Variants in RFX2 observed in about 807,000 individuals in gnomAD.
The protein encoded by RFX2 is regulatory factor X2, also known as DNA-binding protein RFX2.
RFX2 carries 20 observed loss-of-function variants against 87.8 expected under a neutral mutation model. The ratio of observed to expected loss-of-function variants is 0.23; its 90% CI spans 0.16 to 0.33. The LOEUF is 0.33. RFX2 is among the 10% of genes least tolerant of loss of function. RFX2 has a pLI of 1.00. For missense variants in RFX2, 767 were observed against 1,012.3 expected (o/e 0.76, Z 3.29); for synonymous variants, 397 against 431.3 (o/e 0.92, Z 0.98).
At chr19:6,055,897 G>C (rs2144796050) in intron 1 of RFX2, among the ~76,000 whole-genome samples, 1 of 152,302 alleles carries the variant, frequency 6.6e-6, no homozygotes, top group Non-Finnish European at 1.5e-5. Flanking sequence ...ATTAATTACT[G>C]AAATTCACAA....
intron 15 of RFX2, among the ~76,000 whole-genome samples, chr19:6,000,118 G>A (rs1038480559): frequency 3.3e-5 from 5 of 152,014 alleles, no homozygotes; most frequent in Non-Finnish European, 7.4e-5. Context: ...CCAAGTAGCT[G>A]GGATTTCAGG....
chr19:6,014,312 C>CA (rs2144705220), intron 7 of RFX2, among the ~76,000 whole-genome samples: 1 of 152,278 alleles, frequency 6.6e-6, no homozygotes, highest in Admixed American at 6.5e-5. Flanking sequence ...CGGCTCACTG[C>CA]AACCTCCCTC....
rs1351718563 is a variant in RFX2, at chr19:6,002,710, G to A, written c.1650+11C>T. On this transcript the variant is annotated intron_variant, in intron 14 of 17. Transcript: ENST00000303657. The surrounding 1 kb of genome is among the most constrained non-coding windows in gnomAD (Gnocchi z 6.7). ...AAGCCCGGGCCCTGGGGACGGTGTG[G>A]AGGAAGTCACCTGCACGTTGGCAAA... 2.5e-6 allele frequency: 4 copies of A among 1,612,850 alleles called. No individual in the cohort carries two copies. The highest frequency in any genetic ancestry group is 3.4e-6 in the Non-Finnish European group (4 of 1,179,756).
rs375765912 is a variant in RFX2, at chr19:6,007,020, G to A, written c.1394C>T (p.Pro465Leu). 32 of 1,613,924 alleles carry A rather than the reference G, an allele frequency of 2.0e-5. No individual in the cohort carries two copies. Among genetic ancestry groups the A allele is most frequent in the East Asian group, 2.2e-5 (1 of 44,892 alleles). The change falls in exon 12 of 18, where the codon CCG becomes CTG. Residue 465 changes from proline (P) to leucine (L), a missense_variant. By Grantham distance (98) the Pro-to-Leu change is moderately conservative. Around this residue, in one of 2 missense-constraint regions of RFX2, gnomAD observed 621 missense variants for 873.0 expected, o/e 0.71. Coordinates refer to ENST00000303657, the MANE Select transcript of RFX2 (RefSeq NM_000635.4). The surrounding 1 kb of genome is among the most constrained non-coding windows in gnomAD (Gnocchi z 8.2). ...VEILIPDVLRPVPSTLTQAIR... is the reference protein window; with the variant it reads ...VEILIPDVLRLVPSTLTQAIR... ...GGCCGTGGGTCACTTACTGGGGACC[G>A]GCCTCAGCACGTCGGGGATGAGAAT... is the stretch of plus-strand genomic sequence containing the variant.
intron 3 of RFX2, among the ~76,000 whole-genome samples, chr19:6,042,324 G>C (rs2087122295): frequency 6.6e-6 from 1 of 152,240 alleles, no homozygotes; most frequent in Non-Finnish European, 1.5e-5. Context: ...GGCCCACACA[G>C]TTCAGGGAGC....
Position 6,063,285 on chromosome 19 carries a change from C to T in RFX2, c.-8-15781G>A, listed in dbSNP as rs1382130336. The stretch of plus-strand genomic sequence containing the variant: ...CCTGCCAGACCCCCAGGCCTGAGCG[C>T]CAGCCCTTCACTGATCAGCTAGCCT... On this transcript the variant is annotated intron_variant, in intron 1 of 17. Coordinates refer to ENST00000303657, the MANE Select transcript of RFX2 (RefSeq NM_000635.4). The surrounding 1 kb of genome is among the most constrained non-coding windows in gnomAD (Gnocchi z 4.0). Among the ~76,000 whole-genome samples, 1 of 152,224 alleles carries T rather than the reference C, an allele frequency of 6.6e-6. No individual in the cohort carries two copies. The highest frequency in any genetic ancestry group is 6.5e-5 in the Admixed American group (1 of 15,282).
At chr19:6,108,900 A>G (rs1358041937) in intron 1 of RFX2, among the ~76,000 whole-genome samples, 1 of 152,058 alleles carries the variant, frequency 6.6e-6, no homozygotes, top group African/African-American at 2.4e-5. Context: ...CAACTTTCCC[A>G]GCGGTGCAGC....
chr19:6,088,055 G>T (rs1201597356), intron 1 of RFX2, among the ~76,000 whole-genome samples: 1 of 152,126 alleles, frequency 6.6e-6, no homozygotes, highest in Admixed American at 6.5e-5. Context: ...ACCCAGAGCT[G>T]CATGTTGGTG....
chr19:6,108,508 A>G (rs562485480), intron 1 of RFX2, among the ~76,000 whole-genome samples: 1 of 152,312 alleles, frequency 6.6e-6, no homozygotes, highest in East Asian at 1.9e-4. Flanking sequence ...TGTCATTATT[A>G]TTATTACTGT....
intron 1 of RFX2, among the ~76,000 whole-genome samples, chr19:6,067,652 G>A (rs952753084): frequency 1.3e-5 from 2 of 152,234 alleles, no homozygotes; most frequent in Non-Finnish European, 2.9e-5. Flanking sequence ...CTGAGGCTTT[G>A]GGACCAGGAG....
rs140973509 is a variant in RFX2, at chr19:6,064,672, A to G, written c.-8-17168T>C. Among the ~76,000 whole-genome samples the G allele has an allele frequency of 4.6e-3, 693 of 152,268 alleles. 8 individuals are homozygous for G. In the East Asian group the frequency reaches 0.071, roughly 16 times the overall value. On this transcript the variant is annotated intron_variant, in intron 1 of 17. Coordinates refer to ENST00000303657, the MANE Select transcript of RFX2 (RefSeq NM_000635.4). This position sits in a 1 kb window ranked among gnomAD's most constrained non-coding sequence, Gnocchi z 4.8. ...TGTGTGACCCTTCCTCCTGACAGCC[A>G]TCTCTAGAGACAGCCAGTGAGGGCA...
rs558210340 is a variant in RFX2, at chr19:6,014,658, G to T, written c.779+1432C>A. 3.4e-4 allele frequency among the ~76,000 whole-genome samples: 52 copies of T among 152,302 alleles called. 1 individual carries two copies. The Middle Eastern group carries it at 0.034, about 100-fold the overall frequency. On this transcript the variant is annotated intron_variant, in intron 7 of 17. Coordinates refer to ENST00000303657, the MANE Select transcript of RFX2 (RefSeq NM_000635.4). ...ACGGGGGGAAATCAGCCTTAATCCT[G>T]AAGCCAGCAGCTGGGATACTCTGCA...
chr19:6,076,918 T>A (rs925512055), intron 1 of RFX2: 8 of 152,252 alleles, frequency 5.3e-5, no homozygotes, highest in African/African-American at 1.9e-4. Flanking sequence ...TCTCCCAGCA[T>A]CTTGCCAAAT....
Position 6,002,886 on chromosome 19 carries a change from C to G in RFX2, c.1501-16G>C. ...CGACGCCCACCTGTAAGCCAGGGCT[C>G]GTGGTGAGCAGGGGTTCGCAGGGAG... On this transcript the variant is annotated splice_polypyrimidine_tract_variant and intron_variant, in intron 13 of 17. Transcript: ENST00000303657. The surrounding 1 kb of genome is among the most constrained non-coding windows in gnomAD (Gnocchi z 6.7). 1 of 1,596,844 alleles carries G rather than the reference C, an allele frequency of 6.3e-7. No individual in the cohort carries two copies. The highest frequency in any genetic ancestry group is 8.5e-7 in the Non-Finnish European group (1 of 1,174,808).
chr19:6,076,275 C>T (rs1411142546), intron 1 of RFX2, among the ~76,000 whole-genome samples: 8 of 152,154 alleles, frequency 5.3e-5, no homozygotes, highest in Non-Finnish European at 1.5e-5. Flanking sequence ...ACCCGGGAGG[C>T]TGAGGTTGCA....
chr19:6,034,656 C>T (rs188568014), intron 5 of RFX2, among the ~76,000 whole-genome samples: 26 of 152,302 alleles, frequency 1.7e-4, no homozygotes, highest in Admixed American at 1.5e-3. Flanking sequence ...GCCACTGTGC[C>T]CAGGTGACTT....
In RFX2 at chr19:5,999,264, G is replaced by A. The variant is rs1034908757; in HGVS notation, c.1860-2051C>T. Among the ~76,000 whole-genome samples the A allele has an allele frequency of 1.3e-5, 2 of 152,050 alleles. No homozygotes were observed. Among genetic ancestry groups the A allele is most frequent in the African/African-American group, 4.8e-5 (2 of 41,424 alleles). On this transcript the variant is annotated intron_variant, in intron 15 of 17. Coordinates refer to ENST00000303657, the MANE Select transcript of RFX2 (RefSeq NM_000635.4). This position sits in a 1 kb window ranked among gnomAD's most constrained non-coding sequence, Gnocchi z 4.1. ...AGCGAGACTCTGTCTCAAAAAACAA[G>A]CAAACAAGAGAATGAAGTGGAACAG...
rs901130954 is a variant in RFX2 at position 6,061,566 on chromosome 19, G to T, written c.-8-14062C>A. Among the ~76,000 whole-genome samples the T allele has an allele frequency of 6.6e-6, 1 of 152,238 alleles. No individual in the cohort carries two copies. Among genetic ancestry groups the T allele is most frequent in the African/African-American group, 2.4e-5 (1 of 41,462 alleles). On this transcript the variant is annotated intron_variant, in intron 1 of 17. Transcript: ENST00000303657. This position sits in a 1 kb window ranked among gnomAD's most constrained non-coding sequence, Gnocchi z 5.2. ...ATGCATCCAAAGAAACGGAACATTT[G>T]GTTCCCTTCCTACTCCCGGCCCCGC...
intron 7 of RFX2, 127 bp downstream of exon 7, chr19:6,015,963 A>G: frequency 1.2e-6 from 1 of 813,494 alleles, no homozygotes; most frequent in Non-Finnish European, 1.8e-6. Context: ...AAGTAACTGC[A>G]AGCACTCCAG....
Sources: allele counts gnomAD v4.1 joint callset (sites outside exome capture counted in the v4.1 genomes callset), GRCh38; gene constraint gnomAD v4.1.1; regional missense constraint gnomAD v4.1.1; non-coding constraint Gnocchi (gnomAD v3.1); transcripts MANE v1.5; gene names NCBI Gene and HGNC (gene_info 2026-07-23, HGNC 2026-07-21).